The following CDKAL1 variants were observed in gnomAD, a reference collection of about 807,000 sequenced individuals.
CDKAL1 encodes the protein threonylcarbamoyladenosine tRNA methylthiotransferase.
Under a neutral mutation model 68.2 loss-of-function variants are expected in CDKAL1, and 32 were observed. That is an observed-to-expected ratio of 0.47 (90% CI 0.35 to 0.63). CDKAL1 has a LOEUF of 0.63. CDKAL1 is among the 30% of genes least tolerant of loss of function. CDKAL1 has a pLI of 0.00. For missense variants in CDKAL1, 606 were observed against 696.7 expected (o/e 0.87, Z 1.47); for synonymous variants, 234 against 244.3 (o/e 0.96, Z 0.39).
intron 4 of CDKAL1, among the ~76,000 whole-genome samples, chr6:20,638,869 T>G (rs942185322): frequency 6.6e-6 from 1 of 152,126 alleles, no homozygotes; most frequent in African/African-American, 2.4e-5. Context: ...CTTGACATCA[T>G]GATCCGCCTG....
chr6:20,794,334 G>A (rs1186754988), intron 8 of CDKAL1, among the ~76,000 whole-genome samples: 1 of 152,046 alleles, frequency 6.6e-6, no homozygotes, highest in African/African-American at 2.4e-5. Flanking sequence ...CCAAGTGTTT[G>A]GATAGATAGT....
chr6:21,108,070 A>C (rs1427050862), intron 12 of CDKAL1, among the ~76,000 whole-genome samples: 1 of 152,074 alleles, frequency 6.6e-6, no homozygotes, highest in East Asian at 1.9e-4. Flanking sequence ...CTGTGTATTA[A>C]ATTTTCTTTC....
intron 4 of CDKAL1, among the ~76,000 whole-genome samples, chr6:20,604,293 G>T (rs889414455): frequency 6.6e-6 from 1 of 152,124 alleles, no homozygotes; most frequent in East Asian, 1.9e-4. Context: ...AAGACTGATT[G>T]GCTACTGTTA....
chr6:20,891,554 G>C (rs1176845544), intron 9 of CDKAL1, among the ~76,000 whole-genome samples: 1 of 60,416 alleles, frequency 1.7e-5, no homozygotes, highest in African/African-American at 5.8e-5. Context: ...TTTTTTTTTT[G>C]AGACGGAGTC....
At chr6:20,613,837 C>T (rs1402047251) in intron 4 of CDKAL1, among the ~76,000 whole-genome samples, 1 of 151,918 alleles carries the variant, frequency 6.6e-6, no homozygotes, top group East Asian at 1.9e-4. Flanking sequence ...AGTGTAATTA[C>T]TGGGTTAAAA....
At chr6:20,855,442 C>CAAAAAA (rs145448785) in intron 9 of CDKAL1, among the ~76,000 whole-genome samples, 1 of 64,640 alleles carries the variant, frequency 1.5e-5, no homozygotes, top group African/African-American at 6.8e-5. Flanking sequence ...GACTCCGTCT[C>CAAAAAA]AAAAAAAAAA....
At chr6:20,934,166 C>T (rs949591681) in intron 9 of CDKAL1, among the ~76,000 whole-genome samples, 5 of 152,050 alleles carry the variant, frequency 3.3e-5, no homozygotes, top group South Asian at 2.1e-4. Context: ...ATCTCCTTGA[C>T]GGGTTATAGC....
At chr6:20,891,514 T>G (rs1761395859) in intron 9 of CDKAL1, among the ~76,000 whole-genome samples, 1 of 149,032 alleles carries the variant, frequency 6.7e-6, no homozygotes, top group African/African-American at 2.5e-5. Flanking sequence ...CTCATCCTGC[T>G]TATTTCTTTT....
intron 12 of CDKAL1, among the ~76,000 whole-genome samples, chr6:21,096,365 G>A (rs1034416109): frequency 2.0e-5 from 3 of 152,214 alleles, no homozygotes; most frequent in African/African-American, 4.8e-5. Context: ...GAGGCTCTGA[G>A]CATTAATAGA....
At chr6:20,770,005 T>A (rs1774870217) in intron 7 of CDKAL1, among the ~76,000 whole-genome samples, 1 of 152,176 alleles carries the variant, frequency 6.6e-6, no homozygotes, top group Non-Finnish European at 1.5e-5. Context: ...CACTGCTCAC[T>A]TTTTTTCCAT....
chr6:20,600,915 G>A (rs916513743), intron 4 of CDKAL1, among the ~76,000 whole-genome samples: 12 of 151,824 alleles, frequency 7.9e-5, no homozygotes, highest in African/African-American at 2.7e-4. Context: ...TACAATATTA[G>A]ATTAGGATGA....
intron 4 of CDKAL1, among the ~76,000 whole-genome samples, chr6:20,568,759 CA>C: frequency 7.3e-6 from 1 of 136,480 alleles, no homozygotes; most frequent in Non-Finnish European, 1.6e-5. Context: ...AACAAAAAAA[CA>C]AAAAAACAAA....
At chr6:20,694,728 G>A (rs999211483) in intron 5 of CDKAL1, among the ~76,000 whole-genome samples, 1 of 152,154 alleles carries the variant, frequency 6.6e-6, no homozygotes, top group Non-Finnish European at 1.5e-5. Flanking sequence ...TTAAGTCCCT[G>A]CTGTTGTTTG....
At chr6:20,937,876 A>G (rs143223571) in intron 9 of CDKAL1, among the ~76,000 whole-genome samples, 2 of 128,782 alleles carry the variant, frequency 1.6e-5, no homozygotes, top group African/African-American at 2.8e-5. Context: ...TTTTTTTTTC[A>G]TTTTAATTAA....
At chr6:20,665,202 C>G (rs1769473966) in intron 5 of CDKAL1, among the ~76,000 whole-genome samples, 1 of 152,006 alleles carries the variant, frequency 6.6e-6, no homozygotes, top group Non-Finnish European at 1.5e-5. Context: ...CAGTAATCCT[C>G]TTATATAAAA....
At chr6:20,836,732 ATCATTCCC>A (rs1310477359) in intron 8 of CDKAL1, among the ~76,000 whole-genome samples, 1 of 152,128 alleles carries the variant, frequency 6.6e-6, no homozygotes, top group African/African-American at 2.4e-5. Context: ...GGTAGTTTTT[ATCATTCCC>A]TTCTCCTGTT....
chr6:20,788,421 T>C (rs1032203441), intron 8 of CDKAL1, among the ~76,000 whole-genome samples: 1 of 152,236 alleles, frequency 6.6e-6, no homozygotes, highest in Non-Finnish European at 1.5e-5. Context: ...CATGTTCTTC[T>C]GTAAGCTTTA....
At chr6:20,776,121 G>C (rs1337609650) in intron 7 of CDKAL1, among the ~76,000 whole-genome samples, 1 of 152,162 alleles carries the variant, frequency 6.6e-6, no homozygotes, top group Non-Finnish European at 1.5e-5. Context: ...TAGTGAAGGT[G>C]AATAATTTAT....
chr6:20,703,344 G>A (rs993084335), intron 5 of CDKAL1, among the ~76,000 whole-genome samples: 6 of 152,022 alleles, frequency 3.9e-5, no homozygotes, highest in Non-Finnish European at 7.4e-5. Flanking sequence ...GAGTAGTTAC[G>A]ATAGAGACTA....
Sources: allele counts gnomAD v4.1 joint callset (sites outside exome capture counted in the v4.1 genomes callset), GRCh38; gene constraint gnomAD v4.1.1; transcripts MANE v1.5; gene names NCBI Gene and HGNC (gene_info 2026-07-23, HGNC 2026-07-21).